The following STX5 variants were observed in gnomAD, a reference collection of about 807,000 sequenced individuals.
STX5 encodes syntaxin 5.
A neutral mutation model predicts 42.9 loss-of-function variants in STX5; 15 were observed. The observed-to-expected ratio is 0.35, with a 90% CI of 0.23 to 0.54. The LOEUF is 0.54. STX5 is among the 20% of genes least tolerant of loss of function. The pLI, the probability that STX5 is intolerant of heterozygous loss-of-function variation, is 0.91. For missense variants in STX5, 430 were observed against 455.0 expected (o/e 0.95, Z 0.50); for synonymous variants, 184 against 173.2 (o/e 1.06, Z -0.49).
intron 10 of STX5, among the ~76,000 whole-genome samples, chr11:62,810,123 A>G (rs1449246882): frequency 6.9e-6 from 1 of 145,252 alleles, no homozygotes; most frequent in Non-Finnish European, 1.5e-5. Flanking sequence ...AAAAAAAAAG[A>G]AAGAAAAAGA....
intron 5 of STX5, among the ~76,000 whole-genome samples, chr11:62,826,114 T>C (rs951255241): frequency 8.6e-5 from 13 of 151,794 alleles, no homozygotes; most frequent in Admixed American, 7.9e-4. Flanking sequence ...ATTAGCTGGG[T>C]GTGGTGGCGC....
At position 62,810,118 on chromosome 11, in the gene STX5, A is replaced by G. The variant is rs184848354; in HGVS notation, c.909-2490T>C. ...GACTCCATCTCAAAAAAAAAAAAAA[A>G]AAAGAAAGAAAAAGAAAAAAAGTGA... On this transcript the variant is annotated intron_variant, in intron 10 of 10. Transcript: ENST00000294179. Among the ~76,000 whole-genome samples, 133 of 151,376 alleles carry G rather than the reference A, an allele frequency of 8.8e-4. No homozygotes were observed. In the Middle Eastern group the frequency reaches 0.014, roughly 15 times the overall value.
At chr11:62,830,884 C>A (rs2084849335) in intron 2 of STX5, 135 bp downstream of exon 2, 2 of 850,606 alleles carry the variant, frequency 2.4e-6, no homozygotes, top group Non-Finnish European at 3.9e-6. Context: ...TTATAGCAGA[C>A]CCTACAGGCC....
Position 62,807,926 on chromosome 11 carries a change from A to G in STX5, c.909-298T>C, listed in dbSNP as rs375913857. 5.4e-4 allele frequency: 209 copies of G among 384,878 alleles called. 2 individuals carry two copies. Among genetic ancestry groups the G allele is most frequent in the African/African-American group, 3.8e-3 (188 of 49,720 alleles). 23.8% of individuals were successfully genotyped at this position (384,878 alleles called of 1,614,324 possible). On this transcript the variant is annotated intron_variant, in intron 10 of 10. Coordinates refer to ENST00000294179, the MANE Select transcript of STX5 (RefSeq NM_003164.5). ...TCTCTCAGGCTACTGTCTGTCTTCA[A>G]TGAGTTAGTATAAAGTCCCTAACCC... is the stretch of plus-strand genomic sequence containing the variant.
chr11:62,810,103 CAAAAAAAAAA>C (rs11405544), intron 10 of STX5, among the ~76,000 whole-genome samples: 15 of 97,600 alleles, frequency 1.5e-4, no homozygotes, highest in Non-Finnish European at 2.4e-4. Flanking sequence ...GACTCCATCT[CAAAAAAAAAA>C]AAAAAAAAGA....
rs2084558080 is a variant in STX5 at position 62,807,066 on chromosome 11, TG to T, written c.*402del. 6.2e-6 allele frequency: 1 copy of T among 162,242 alleles called. No homozygotes were observed. The highest frequency in any genetic ancestry group is 1.4e-5 in the Non-Finnish European group (1 of 73,058). The allele number at this position is 162,242 out of a possible 1,614,324, so 10.1% of individuals were successfully genotyped here. Reference sequence around the variant, plus strand: ...GAGGTCAATTGGGAAAATTGGTCCCTGGGGCTGCTTCCTCTCTTCACTCACA... The same window carrying T: ...GAGGTCAATTGGGAAAATTGGTCCCTGGGCTGCTTCCTCTCTTCACTCACA... On this transcript the variant is annotated 3_prime_UTR_variant, in exon 11 of 11. Transcript: ENST00000294179.
intron 10 of STX5, among the ~76,000 whole-genome samples, chr11:62,815,329 T>C (rs1032110876): frequency 6.6e-6 from 1 of 152,006 alleles, no homozygotes; most frequent in African/African-American, 2.4e-5. Flanking sequence ...TTTTATTTTA[T>C]TTATTTTTTA....
chr11:62,824,443 T>C lies in STX5; in HGVS notation c.786+16A>G, dbSNP rs2084771995. The C allele has an allele frequency of 6.2e-7, 1 of 1,614,072 alleles. No individual in the cohort carries two copies. The highest frequency in any genetic ancestry group is 8.5e-7 in the Non-Finnish European group (1 of 1,179,936). ...TAATGGAGAAGCTGATTCTACCTAG[T>C]TCAGAGCCTGGGTACCTGCTCGTCA... On this transcript the variant is annotated intron_variant, in intron 9 of 10. Transcript: ENST00000294179.
chr11:62,820,508 T>C (rs2084728827), intron 10 of STX5, among the ~76,000 whole-genome samples: 1 of 151,226 alleles, frequency 6.6e-6, no homozygotes, highest in Non-Finnish European at 1.5e-5. Flanking sequence ...GCCATTTTAC[T>C]ATTTTCTTTT....
At chr11:62,828,137 C>T (rs540610986) in intron 2 of STX5, among the ~76,000 whole-genome samples, 6 of 151,720 alleles carry the variant, frequency 4.0e-5, no homozygotes, top group Non-Finnish European at 2.9e-5. Flanking sequence ...GTTTTTGAGA[C>T]AGGGTCTCAC....
Position 62,807,286 on chromosome 11 carries a change from G to T in STX5, c.*183C>A, listed in dbSNP as rs561968003. Reference sequence around the variant, plus strand: ...TGTGTTTCATAGGCCTGAGGGTGGTGGGGGGAGGACAGGGTGGCCAGAGGC... The same window carrying T: ...TGTGTTTCATAGGCCTGAGGGTGGTTGGGGGAGGACAGGGTGGCCAGAGGC... On this transcript the variant is annotated 3_prime_UTR_variant, in exon 11 of 11. Transcript: ENST00000294179. The T allele has an allele frequency of 6.1e-6, 5 of 825,366 alleles. No individual in the cohort carries two copies. The highest frequency in any genetic ancestry group is 5.6e-5 in the East Asian group (2 of 35,522). 51.1% of individuals were successfully genotyped at this position (825,366 alleles called of 1,614,324 possible). A position where few individuals can be genotyped will look rare whatever the true frequency, so the allele number is the denominator to read the frequency against.
At chr11:62,818,169 C>T (rs113367792) in intron 10 of STX5, among the ~76,000 whole-genome samples, 1 of 146,348 alleles carries the variant, frequency 6.8e-6, no homozygotes, top group African/African-American at 2.5e-5. Flanking sequence ...CACTTGAATC[C>T]AGGAGGCAGA....
At chr11:62,816,991 G>A (rs1384305343) in intron 10 of STX5, among the ~76,000 whole-genome samples, 1 of 151,922 alleles carries the variant, frequency 6.6e-6, no homozygotes, top group Non-Finnish European at 1.5e-5. Context: ...TTGAGACAGA[G>A]TCTTGCTCTG....
chr11:62,807,703 G>T, intron 10 of STX5, 75 bp from the exon 11 acceptor site: 1 of 1,575,044 alleles, frequency 6.3e-7, no homozygotes, highest in South Asian at 1.1e-5. Flanking sequence ...TCCATTTATT[G>T]ACATGGAAAG....
chr11:62,824,984 C>A, intron 8 of STX5, 52 bp downstream of exon 8: 4 of 1,584,604 alleles, frequency 2.5e-6, no homozygotes, highest in Non-Finnish European at 3.5e-6. Context: ...GCCATCACAA[C>A]CAGAGTAAGT....
chr11:62,825,336 T>C lies in STX5; in HGVS notation c.544A>G (p.Lys182Glu), dbSNP rs1389101806. 1.2e-6 allele frequency: 2 copies of C among 1,614,210 alleles called. No individual in the cohort carries two copies. The highest frequency in any genetic ancestry group is 8.5e-7 in the Non-Finnish European group (1 of 1,180,046). Residue 182 changes from lysine to glutamate, a missense_variant, in exon 7 of 11, where the codon AAA (lysine) becomes GAA (glutamate). Transcript: ENST00000294179. ...SNTIVVSLQS[K>E]LASMSNDFKS... is the part of the protein sequence containing the mutation. ...AAGTCATTGGACATAGAAGCCAGTT[T>C]CGACTAGAAGAAAAGGAGAGAGGGT...
At chr11:62,824,010 CTTG>C in intron 10 of STX5, 153 bp downstream of exon 10, 1 of 1,230,948 alleles carries the variant, frequency 8.1e-7, no homozygotes, top group Non-Finnish European at 1.1e-6. Flanking sequence ...TCAATAAAAA[CTTG>C]TTGGGTGGAT....
chr11:62,809,997 G>A (rs2084598705), intron 10 of STX5, among the ~76,000 whole-genome samples: 1 of 151,054 alleles, frequency 6.6e-6, no homozygotes, highest in African/African-American at 2.4e-5. Context: ...AGCTACTCAG[G>A]AGGCTGAGGC....
intron 5 of STX5, 123 bp from the exon 6 acceptor site, chr11:62,825,662 TCAGA>T (rs2084788014): frequency 2.4e-6 from 2 of 847,480 alleles, no homozygotes; most frequent in East Asian, 2.4e-5. Context: ...TGAGAGTATC[TCAGA>T]CAGTCAGACC....
Sources: allele counts gnomAD v4.1 joint callset (sites outside exome capture counted in the v4.1 genomes callset), GRCh38; gene constraint gnomAD v4.1.1; transcripts MANE v1.5; gene names NCBI Gene and HGNC (gene_info 2026-07-23, HGNC 2026-07-21).